The following PCLO variants were observed in gnomAD, a reference collection of about 807,000 sequenced individuals.
The protein encoded by PCLO is protein piccolo.
A neutral mutation model predicts 427.5 loss-of-function variants in PCLO; 82 were observed. The ratio of observed to expected loss-of-function variants is 0.19; its 90% confidence interval spans 0.16 to 0.23. The LOEUF is 0.23. Ranked by LOEUF, PCLO falls within the 10% of genes least tolerant of loss-of-function variation. PCLO has a pLI of 1.00. For synonymous variants in PCLO, 2,357 were observed against 2,155.4 expected, an observed-to-expected ratio of 1.09 and a Z score of -2.59; for missense variants, 6,239 against 6,115.9, an observed-to-expected ratio of 1.02 and a Z score of -0.67.
chr7:82,764,658 G>A (rs1045729251), intron 22 of PCLO, among the ~76,000 whole-genome samples: 1 of 151,826 alleles, frequency 6.6e-6, no homozygotes, highest in Non-Finnish European at 1.5e-5. Flanking sequence ...CTTATTATCA[G>A]ATAAAACAGA....
In PCLO at chr7:82,915,770, A is replaced by C; in HGVS notation, c.12216T>G (p.Asp4072Glu). 1 of 1,612,310 alleles carries C rather than the reference A, an allele frequency of 6.2e-7. No individual in the cohort carries two copies. Among genetic ancestry groups the C allele is most frequent in the Non-Finnish European group, 8.5e-7 (1 of 1,179,066 alleles). Residue 4072 changes from aspartate (D) to glutamate (E), a missense_variant, in exon 7 of 25, where the codon GAT (aspartate) becomes GAG (glutamate). This residue lies in a region of PCLO where 680 missense variants were observed against 677.3 expected (regional missense o/e 1.00). Transcript: ENST00000333891. ...LSTAFSLHEK[D>E]LSKTDRLLRT... is the part of the protein sequence containing the mutation. ...GAAGGAGACGGTCTGTTTTTGACAGATCCTTTTCATGAAGGCTAAATGCGG... is the reference window on the plus strand; with the variant it reads ...GAAGGAGACGGTCTGTTTTTGACAGCTCCTTTTCATGAAGGCTAAATGCGG...
In PCLO at chr7:83,132,533, G is replaced by A. The variant is rs1038152992; in HGVS notation, c.3300+1717C>T. ...CAAAGACTTCCCTGAAAGGTGTATT[G>A]TCTTTCTACCCAAGGAACTCTCATT... On this transcript the variant is annotated intron_variant, in intron 3 of 24. Transcript: ENST00000333891. Among the ~76,000 whole-genome samples, 7 of 152,142 alleles carry A rather than the reference G, an allele frequency of 4.6e-5. No individual in the cohort carries two copies. The Middle Eastern group carries it at 0.01, about 225-fold the overall frequency.
chr7:82,924,070 T>C (rs1028884803), intron 6 of PCLO, among the ~76,000 whole-genome samples: 1 of 152,036 alleles, frequency 6.6e-6, no homozygotes, highest in Non-Finnish European at 1.5e-5. Context: ...AAAATCCTGA[T>C]TGATTGTTAA....
intron 8 of PCLO, among the ~76,000 whole-genome samples, chr7:82,907,265 T>C (rs1360583982): frequency 1.3e-5 from 2 of 152,020 alleles, no homozygotes; most frequent in African/African-American, 4.8e-5. Flanking sequence ...CTGTTTATTA[T>C]ATAGTTTATC....
intron 9 of PCLO, chr7:82,879,863 C>A: frequency 2.2e-6 from 1 of 452,092 alleles, no homozygotes; most frequent in Non-Finnish European, 4.4e-6. Context: ...ATTGAGAAGA[C>A]ACAATCCAAT....
intron 6 of PCLO, among the ~76,000 whole-genome samples, chr7:82,918,777 AGGGTGT>A (rs1794528296): frequency 6.6e-6 from 1 of 152,062 alleles, no homozygotes; most frequent in Non-Finnish European, 1.5e-5. Flanking sequence ...GTTTGACAAA[AGGGTGT>A]TTAATTGTGT....
At position 83,134,638 on chromosome 7, in the gene PCLO, G is replaced by A; in HGVS notation, c.2912C>T (p.Ser971Leu). 5 of 1,613,924 alleles carry A rather than the reference G, an allele frequency of 3.1e-6. No homozygotes were observed. Among genetic ancestry groups the A allele is most frequent in the Non-Finnish European group, 3.4e-6 (4 of 1,179,872 alleles). The change falls in exon 3 of 25, where the codon TCA becomes TTA. Residue 971 changes from serine to leucine, a missense_variant. Physicochemically the swap from Ser to Leu is moderately radical, Grantham distance 145. Around this residue, in one of 5 missense-constraint regions of PCLO, gnomAD observed 4,677 missense variants for 4,468.4 expected, o/e 1.05. Coordinates refer to ENST00000333891, the MANE Select transcript of PCLO (RefSeq NM_033026.6). ...TGGCCCTTGTGAAGTAGGTGGCTGT[G>A]AAGGGGCAGGGGCTTGTTTCATTGG... is the stretch of plus-strand genomic sequence containing the variant. ...GAPMKQAPAP[S>L]QPPTSQGPPK...
Position 83,156,378 on chromosome 7 carries a change from T to C in PCLO, c.263A>G (p.Asp88Gly), listed in dbSNP as rs1242568224. The change falls in exon 2 of 25, where the codon GAT (aspartate) becomes GGT (glycine). Residue 88 changes from aspartate to glycine, a missense_variant. Asp to Gly is a moderately conservative substitution (Grantham distance 94). Coordinates refer to ENST00000333891, the MANE Select transcript of PCLO (RefSeq NM_033026.6). ...SPSMHRKQEL[D>G]SSHPPKQSGR... ...TGATTGCTTTGGAGGATGACTACTA[T>C]CCAACTCTTGTTTCCTAGAAGAGTT... 1.4e-5 allele frequency: 22 copies of C among 1,549,556 alleles called. No homozygotes were observed. Among genetic ancestry groups the C allele is most frequent in the East Asian group, 2.3e-5 (1 of 44,076 alleles).
intron 3 of PCLO, among the ~76,000 whole-genome samples, chr7:83,125,269 G>T (rs1302270334): frequency 6.6e-6 from 1 of 151,978 alleles, no homozygotes; most frequent in Non-Finnish European, 1.5e-5. Flanking sequence ...TCTGAGAAGT[G>T]GGGAGCCCCT....
At chr7:82,791,836 T>C (rs1791107969) in intron 22 of PCLO, among the ~76,000 whole-genome samples, 2 of 152,056 alleles carry the variant, frequency 1.3e-5, no homozygotes, top group African/African-American at 2.4e-5. Context: ...CTAGATATAA[T>C]AAATTTTAAA....
At chr7:83,108,490 C>G (rs1275671702) in intron 3 of PCLO, among the ~76,000 whole-genome samples, 1 of 151,978 alleles carries the variant, frequency 6.6e-6, no homozygotes, top group Non-Finnish European at 1.5e-5. Flanking sequence ...GCTGTCAAAA[C>G]TTAAATAAAA....
At chr7:82,930,277 T>C (rs1794811200) in intron 6 of PCLO, among the ~76,000 whole-genome samples, 1 of 152,110 alleles carries the variant, frequency 6.6e-6, no homozygotes, top group Middle Eastern at 3.4e-3. Context: ...TACTGCACAG[T>C]GTAGAAGGCT....
At chr7:83,114,511 T>C (rs1442791067) in intron 3 of PCLO, among the ~76,000 whole-genome samples, 1 of 151,988 alleles carries the variant, frequency 6.6e-6, no homozygotes. Flanking sequence ...ACATGATAAA[T>C]AGGGAGACTG....
intron 22 of PCLO, among the ~76,000 whole-genome samples, chr7:82,795,543 T>C: frequency 6.6e-6 from 1 of 152,240 alleles, no homozygotes; most frequent in African/African-American, 2.4e-5. Flanking sequence ...AATATCAAAA[T>C]AAAAATGTTG....
intron 3 of PCLO, among the ~76,000 whole-genome samples, chr7:83,115,428 C>G (rs1406627073): frequency 2.0e-5 from 3 of 151,938 alleles, no homozygotes; most frequent in African/African-American, 7.2e-5. Context: ...TAATATAAGT[C>G]TAATTTTAGG....
chr7:82,939,261 T>C (rs1795024951), intron 6 of PCLO, among the ~76,000 whole-genome samples: 1 of 152,132 alleles, frequency 6.6e-6, no homozygotes, highest in Non-Finnish European at 1.5e-5. Flanking sequence ...TGCTATATAA[T>C]GTATTTTCTA....
chr7:82,997,271 T>C (rs2115883075), intron 3 of PCLO, among the ~76,000 whole-genome samples: 1 of 152,050 alleles, frequency 6.6e-6, no homozygotes, highest in Non-Finnish European at 1.5e-5. Flanking sequence ...TTATAGGCTA[T>C]CTCAGAAAAG....
In PCLO at chr7:83,162,515, A is replaced by T; in HGVS notation, c.78T>A (p.Ala26=). The part of the protein sequence containing the change: ...LAAAAAAGGG[A]SGAGSPSHTA... ...TGTGAGAGGGGCTCCCCGCCCCGCT[A>T]GCTCCTCCTCCAGCCGCTGCGGCCG... The change falls in exon 1 of 25, where the codon GCT becomes GCA. Residue 26 remains alanine (A), a synonymous_variant. Transcript: ENST00000333891. 6.4e-7 allele frequency: 1 copy of T among 1,561,450 alleles called. No homozygotes were observed. The highest frequency in any genetic ancestry group is 1.2e-5 in the South Asian group (1 of 84,900).
chr7:82,910,236 A>G (rs1411067161), intron 7 of PCLO, among the ~76,000 whole-genome samples: 1 of 151,996 alleles, frequency 6.6e-6, no homozygotes, highest in Non-Finnish European at 1.5e-5. Flanking sequence ...TTATTTTTCT[A>G]TCTACATTCC....
Sources: gnomAD v4.1 joint callset for allele counts (sites outside exome capture counted in the v4.1 genomes callset) on GRCh38, gnomAD v4.1.1 for gene constraint, gnomAD v4.1.1 regional missense constraint, MANE v1.5 for transcripts, NCBI Gene and HGNC (gene_info 2026-07-23, HGNC 2026-07-21) for gene names.